The following PIK3C2G variants were observed in gnomAD, a reference collection of about 807,000 sequenced individuals.
PIK3C2G encodes phosphatidylinositol 3-kinase C2 domain-containing subunit gamma.
A neutral mutation model predicts 181.1 loss-of-function variants in PIK3C2G; 168 were observed. That is an observed-to-expected ratio of 0.93 (90% confidence interval 0.82 to 1.05). PIK3C2G has a LOEUF of 1.05. Ranked by LOEUF, PIK3C2G falls within the 50% of genes least tolerant of loss-of-function variation. The pLI, the probability that PIK3C2G is intolerant of heterozygous loss-of-function variation, is 0.00. For synonymous variants in PIK3C2G, 573 were observed against 592.2 expected, an observed-to-expected ratio of 0.97 and a Z score of 0.47; for missense variants, 1,869 against 1,732.8, an observed-to-expected ratio of 1.08 and a Z score of -1.40.
chr12:18,614,760 T>C (rs185717889), intron 31 of PIK3C2G, among the ~76,000 whole-genome samples: 1 of 152,240 alleles, frequency 6.6e-6, no homozygotes, highest in East Asian at 1.9e-4. Context: ...TCAATCTTTC[T>C]CTGACCTTCA....
the PIK3C2G span, among the ~76,000 whole-genome samples, chr12:18,688,416 T>C: frequency 2.6e-5 from 4 of 152,034 alleles, no homozygotes; most frequent in African/African-American, 9.7e-5. Flanking sequence ...ACCAAGAATA[T>C]GTACAAAATT....
chr12:18,720,896 A>C, the PIK3C2G span, among the ~76,000 whole-genome samples: 1 of 152,134 alleles, frequency 6.6e-6, no homozygotes, highest in Non-Finnish European at 1.5e-5. Context: ...TAGTGATGTA[A>C]GTAAATGTTA....
chr12:18,257,430 C>G (rs1218869226), upstream of PIK3C2G, among the ~76,000 whole-genome samples: 5 of 152,084 alleles, frequency 3.3e-5, no homozygotes, highest in East Asian at 9.7e-4. Flanking sequence ...GGAGAACTGA[C>G]ACACCCAGGG....
chr12:18,276,574 G>A (rs1948996337), intron 1 of PIK3C2G, among the ~76,000 whole-genome samples: 1 of 152,036 alleles, frequency 6.6e-6, no homozygotes, highest in South Asian at 2.1e-4. Context: ...CTTTTTCCAA[G>A]GCAAAATAAG....
intron 13 of PIK3C2G, among the ~76,000 whole-genome samples, chr12:18,376,018 A>T (rs2137916723): frequency 6.6e-6 from 1 of 152,362 alleles, no homozygotes. Context: ...GTGCCCAGCC[A>T]TAAGCCTGCT....
At chr12:18,432,852 G>A (rs1021037336) in intron 18 of PIK3C2G, among the ~76,000 whole-genome samples, 11 of 152,084 alleles carry the variant, frequency 7.2e-5, no homozygotes, top group South Asian at 4.1e-4. Flanking sequence ...ATACGTTTAT[G>A]ATATCTCATG....
chr12:18,441,930 C>T lies in PIK3C2G; in HGVS notation c.2504+17891C>T, dbSNP rs79128801. Among the ~76,000 whole-genome samples, 1,081 of 152,070 alleles carry T rather than the reference C, an allele frequency of 7.1e-3. 14 individuals carry two copies. The highest frequency in any genetic ancestry group is 0.025 in the African/African-American group (1,043 of 41,488). ...AGCTTTGTTTTCTTTTAATTTCCTA[C>T]GTCTATCTGTGTATTTTTCTTATTC... On this transcript the variant is annotated intron_variant, in intron 18 of 32. Coordinates refer to ENST00000538779, the MANE Select transcript of PIK3C2G (RefSeq NM_001288772.2).
chr12:18,585,567 C>T (rs1046609817), intron 29 of PIK3C2G, among the ~76,000 whole-genome samples: 1 of 152,174 alleles, frequency 6.6e-6, no homozygotes, highest in African/African-American at 2.4e-5. Flanking sequence ...TAGAGACCTA[C>T]ACAGAGATTA....
the PIK3C2G span, among the ~76,000 whole-genome samples, chr12:18,665,013 G>A: frequency 1.8e-5 from 2 of 109,478 alleles, no homozygotes; most frequent in African/African-American, 3.5e-5. Context: ...GTTGTGGGGT[G>A]GGGGGAGGGG....
At chr12:18,559,839 G>T (rs1592583403) in intron 26 of PIK3C2G, among the ~76,000 whole-genome samples, 9 of 125,644 alleles carry the variant, frequency 7.2e-5, no homozygotes, top group Non-Finnish European at 1.5e-4. Context: ...GAGAGAGAGA[G>T]AGAGAGAGAG....
At chr12:18,595,507 C>G (rs1439222685) in intron 30 of PIK3C2G, among the ~76,000 whole-genome samples, 1 of 152,082 alleles carries the variant, frequency 6.6e-6, no homozygotes, top group Non-Finnish European at 1.5e-5. Flanking sequence ...TAATATTTAA[C>G]TCTAAATCTG....
intron 13 of PIK3C2G, among the ~76,000 whole-genome samples, chr12:18,381,513 T>C (rs1942832200): frequency 6.6e-6 from 1 of 152,190 alleles, no homozygotes; most frequent in South Asian, 2.1e-4. Flanking sequence ...TAGAAACCAC[T>C]GTGGGCAAAT....
chr12:18,273,075 C>T (rs896286637), intron 1 of PIK3C2G, among the ~76,000 whole-genome samples: 1 of 151,854 alleles, frequency 6.6e-6, no homozygotes, highest in Non-Finnish European at 1.5e-5. Flanking sequence ...GAGAGAGATG[C>T]TGGGGATGCT....
chr12:18,291,009 T>C lies in PIK3C2G; in HGVS notation c.916T>C (p.Cys306Arg), dbSNP rs1454100925. 6.3e-7 allele frequency: 1 copy of C among 1,594,206 alleles called. No homozygotes were observed. Among genetic ancestry groups the C allele is most frequent in the Non-Finnish European group, 8.6e-7 (1 of 1,164,292 alleles). ...NSTQPLHFMPCANYLVKDLIA... is the reference protein window; with the variant it reads ...NSTQPLHFMPRANYLVKDLIA... The stretch of plus-strand genomic sequence containing the variant: ...AACACAACCTCTTCATTTTATGCCA[T>C]GTGGTAAGCAACCTTGCAAATAAGT... The change falls in exon 4 of 33, where the codon TGT becomes CGT. Residue 306 changes from cysteine to arginine, a missense_variant. Physicochemically the swap from Cys to Arg is radical, Grantham distance 180. Coordinates refer to ENST00000538779, the MANE Select transcript of PIK3C2G (RefSeq NM_001288772.2).
At chr12:18,514,517 G>C (rs1942410228) in intron 24 of PIK3C2G, among the ~76,000 whole-genome samples, 1 of 151,814 alleles carries the variant, frequency 6.6e-6, no homozygotes, top group African/African-American at 2.4e-5. Context: ...GTAAAAGGAA[G>C]TGCCTTTTTG....
chr12:18,569,642 T>A (rs531191512), intron 29 of PIK3C2G, among the ~76,000 whole-genome samples: 1 of 152,302 alleles, frequency 6.6e-6, no homozygotes, highest in Admixed American at 6.5e-5. Context: ...TACCCAGGAA[T>A]AGAATTTCCA....
At chr12:18,249,209 G>C (rs994435250) in intron 1 of PIK3C2G, among the ~76,000 whole-genome samples, 14 of 152,118 alleles carry the variant, frequency 9.2e-5, no homozygotes, top group Admixed American at 9.2e-4. Context: ...AAGAAATAAA[G>C]TTAATAGAAC....
chr12:18,450,456 A>T (rs1303472350), intron 18 of PIK3C2G, among the ~76,000 whole-genome samples: 1 of 152,092 alleles, frequency 6.6e-6, no homozygotes, highest in Non-Finnish European at 1.5e-5. Flanking sequence ...AAATTTGTTT[A>T]AGTTCCTTGT....
At position 18,563,474 on chromosome 12, in the gene PIK3C2G, A is replaced by G; in HGVS notation, c.3878A>G (p.Gln1293Arg). ...FSKLHSQLQK[Q>R]FASLTLPEFP... is the part of the protein sequence containing the mutation. The stretch of plus-strand genomic sequence containing the variant: ...AAACTTCACAGCCAACTTCAGAAGC[A>G]GTTTGCATCACTGACTCTCCCAGAG... The change falls in exon 28 of 33, where the codon CAG becomes CGG. Residue 1293 changes from glutamine (Q) to arginine (R), a missense_variant. Transcript: ENST00000538779. 6.2e-7 allele frequency: 1 copy of G among 1,613,814 alleles called. No homozygotes were observed.
Sources: allele counts gnomAD v4.1 joint callset (sites outside exome capture counted in the v4.1 genomes callset), GRCh38; gene constraint gnomAD v4.1.1; transcripts MANE v1.5; gene names NCBI Gene and HGNC (gene_info 2026-07-23, HGNC 2026-07-21).